ANK1: variants seen among roughly 807,000 people sequenced by gnomAD.
ANK1 encodes the protein ankyrin-1.
ANK1 carries 51 observed loss-of-function variants against 210.4 expected under a neutral mutation model. That is an observed-to-expected ratio of 0.24 (90% CI 0.19 to 0.31). The LOEUF is 0.31. Among genes scored for constraint, ANK1 ranks in the 10% least tolerant of loss-of-function variants. The pLI is 1.00. For synonymous variants in ANK1, 967 were observed against 1,025.9 expected, an observed-to-expected ratio of 0.94 and a Z score of 1.10; for missense variants, 2,051 against 2,504.4, an observed-to-expected ratio of 0.82 and a Z score of 3.86.
chr8:41,702,032 C>A lies in ANK1; in HGVS notation c.2388+20G>T, dbSNP rs774447379. 1.9e-6 allele frequency: 3 copies of A among 1,605,944 alleles called. No individual in the cohort carries two copies. In the South Asian group the frequency reaches 3.3e-5, roughly 18 times the overall value. ...AGGCTGAGTGTGTCTGGGGTGGGTG[C>A]GGGGGAGAGGCAGACATACCACGAA... is the stretch of plus-strand genomic sequence containing the variant. On this transcript the variant is annotated intron_variant, in intron 21 of 42. Transcript: ENST00000289734.
intron 1 of ANK1, among the ~76,000 whole-genome samples, chr8:41,836,912 G>A (rs1425931380): frequency 6.7e-6 from 1 of 148,398 alleles, no homozygotes; most frequent in Non-Finnish European, 1.5e-5. Context: ...AGAGTAAGAA[G>A]CTATCTCTGG....
chr8:41,700,794 G>T (rs1476250274), intron 22 of ANK1, among the ~76,000 whole-genome samples: 1 of 152,120 alleles, frequency 6.6e-6, no homozygotes, highest in African/African-American at 2.4e-5. Flanking sequence ...ACAGGGTCTT[G>T]CTCTGTCACC....
At chr8:41,658,039 G>A (rs1806391771) in intron 42 of ANK1, among the ~76,000 whole-genome samples, 1 of 152,142 alleles carries the variant, frequency 6.6e-6, no homozygotes, top group Admixed American at 6.5e-5. Flanking sequence ...ATGCCACCAT[G>A]TCCAGCTAAT....
chr8:41,702,921 G>A (rs1823263380), intron 20 of ANK1, among the ~76,000 whole-genome samples: 1 of 152,132 alleles, frequency 6.6e-6, no homozygotes, highest in Non-Finnish European at 1.5e-5. Flanking sequence ...CTGGAGTCAA[G>A]TGGTTCTTGT....
chr8:41,890,556 A>C (rs1253825891), intron 1 of ANK1, among the ~76,000 whole-genome samples: 1 of 152,122 alleles, frequency 6.6e-6, no homozygotes, highest in African/African-American at 2.4e-5. Flanking sequence ...TAAAAACACA[A>C]AAATTAGCCA....
intron 1 of ANK1, among the ~76,000 whole-genome samples, chr8:41,859,460 C>T (rs1314257922): frequency 6.6e-6 from 1 of 152,350 alleles, no homozygotes; most frequent in African/African-American, 2.4e-5. Flanking sequence ...GATTCTCTTG[C>T]TTCAGCGTCT....
At chr8:41,682,834 G>A (rs1018080256) in intron 37 of ANK1, among the ~76,000 whole-genome samples, 1 of 152,208 alleles carries the variant, frequency 6.6e-6, no homozygotes, top group Non-Finnish European at 1.5e-5. Flanking sequence ...TGTCAAAGAA[G>A]TCTCGACACA....
At position 41,727,893 on chromosome 8, in the gene ANK1, C is replaced by A. The variant is rs773590742; in HGVS notation, c.327+15G>T. ...GAAAGGCAACACCCTCTAGTCCAGA[C>A]CAGAGAGCCATTACCTGTGACTGGG... On this transcript the variant is annotated intron_variant, in intron 4 of 42. Transcript: ENST00000289734. 39 of 1,613,684 alleles carry A rather than the reference C, an allele frequency of 2.4e-5. No homozygotes were observed. The highest frequency in any genetic ancestry group is 8.5e-7 in the Non-Finnish European group (1 of 1,179,692).
chr8:41,706,275 A>G (rs1168697784), intron 17 of ANK1, 34 bp from the exon 18 acceptor site: 4 of 1,590,128 alleles, frequency 2.5e-6, no homozygotes, highest in Non-Finnish European at 8.6e-7. Context: ...ACCTTCTATC[A>G]AGTAAAGAAT....
intron 1 of ANK1, among the ~76,000 whole-genome samples, chr8:41,871,464 C>T (rs375679248): frequency 1.3e-5 from 2 of 152,162 alleles, no homozygotes; most frequent in African/African-American, 2.4e-5. Flanking sequence ...TGAGCCACCA[C>T]GTCCGGCCTA....
At chr8:41,808,821 C>T (rs1159432072) in intron 1 of ANK1, among the ~76,000 whole-genome samples, 2 of 152,130 alleles carry the variant, frequency 1.3e-5, no homozygotes, top group African/African-American at 4.8e-5. Context: ...TGACTATTTC[C>T]TTAAGATCTT....
chr8:41,874,463 C>T (rs1304557703), intron 1 of ANK1, among the ~76,000 whole-genome samples: 2 of 152,184 alleles, frequency 1.3e-5, no homozygotes, highest in South Asian at 2.1e-4. Context: ...ACTTTCGGGT[C>T]GCCTGCCCGC....
intron 1 of ANK1, among the ~76,000 whole-genome samples, chr8:41,765,027 T>C (rs1841422516): frequency 6.6e-6 from 1 of 152,204 alleles, no homozygotes; most frequent in Admixed American, 6.5e-5. Flanking sequence ...TTAACTATTG[T>C]GCTATACCGC....
At chr8:41,767,166 G>C (rs1295595566) in intron 1 of ANK1, among the ~76,000 whole-genome samples, 1 of 152,098 alleles carries the variant, frequency 6.6e-6, no homozygotes, top group African/African-American at 2.4e-5. Context: ...TAGAAGCCTC[G>C]GCAGCAGAAG....
At chr8:41,740,413 G>A (rs1378870531) in intron 2 of ANK1, among the ~76,000 whole-genome samples, 3 of 151,694 alleles carry the variant, frequency 2.0e-5, no homozygotes, top group African/African-American at 7.3e-5. Context: ...ACCCGTCTCG[G>A]CCTCCCAAAG....
chr8:41,657,358 G>A (rs1806105726), intron 42 of ANK1, among the ~76,000 whole-genome samples: 1 of 152,118 alleles, frequency 6.6e-6, no homozygotes, highest in African/African-American at 2.4e-5. Context: ...TAAAATGAGG[G>A]CAGTAATAGG....
At chr8:41,701,935 G>A in intron 21 of ANK1, 117 bp downstream of exon 21, 2 of 1,106,522 alleles carry the variant, frequency 1.8e-6, no homozygotes, top group Non-Finnish European at 2.7e-6. Context: ...CGGGCGCGGC[G>A]CCTCCGACCC....
At chr8:41,760,233 A>G in intron 1 of ANK1, among the ~76,000 whole-genome samples, 1 of 152,208 alleles carries the variant, frequency 6.6e-6, no homozygotes, top group Non-Finnish European at 1.5e-5. Context: ...TGTAGCTCCC[A>G]TAATTCCCAC....
chr8:41,766,277 A>G (rs887102986), intron 1 of ANK1, among the ~76,000 whole-genome samples: 8 of 152,150 alleles, frequency 5.3e-5, no homozygotes, highest in African/African-American at 1.7e-4. Flanking sequence ...GTATGAGGAA[A>G]GACAGCTGTC....
Sources: gnomAD v4.1 joint callset for allele counts (sites outside exome capture counted in the v4.1 genomes callset) on GRCh38, gnomAD v4.1.1 for gene constraint, MANE v1.5 for transcripts, NCBI Gene and HGNC (gene_info 2026-07-23, HGNC 2026-07-21) for gene names.